GABBR2: variants seen among roughly 807,000 people sequenced by gnomAD.
The protein encoded by GABBR2 is G-protein coupled receptor 51.
A neutral mutation model predicts 105.6 loss-of-function variants in GABBR2; 23 were observed. The observed-to-expected ratio is 0.22, with a 90% confidence interval of 0.16 to 0.31. The LOEUF (loss-of-function observed/expected upper bound fraction) is 0.31, where lower values mean the gene tolerates loss of function less well. GABBR2 is among the 10% of genes least tolerant of loss of function. GABBR2 has a pLI of 1.00. For synonymous variants in GABBR2, 478 were observed against 499.7 expected, an observed-to-expected ratio of 0.96 and a Z score of 0.58; for missense variants, 734 against 1,245.5, an observed-to-expected ratio of 0.59 and a Z score of 6.18.
chr9:98,577,380 A>G (rs148862563), intron 2 of GABBR2, among the ~76,000 whole-genome samples: 59 of 152,386 alleles, frequency 3.9e-4, no homozygotes, highest in African/African-American at 1.4e-3. Context: ...AATGATGTAT[A>G]AAATCTGCCA....
intron 17 of GABBR2, 150 bp downstream of exon 17, chr9:98,299,074 G>A: frequency 1.4e-6 from 1 of 705,126 alleles, no homozygotes; most frequent in Non-Finnish European, 2.5e-6. Context: ...AGCAGACAGA[G>A]GTTCCAGATG....
intron 1 of GABBR2, among the ~76,000 whole-genome samples, chr9:98,595,718 C>T (rs1478617377): frequency 6.6e-6 from 1 of 151,628 alleles, no homozygotes; most frequent in African/African-American, 2.4e-5. Context: ...TAATGATATA[C>T]AAAAGCACAA....
chr9:98,558,537 G>A (rs951392747), intron 2 of GABBR2, among the ~76,000 whole-genome samples: 2 of 152,142 alleles, frequency 1.3e-5, no homozygotes, highest in African/African-American at 2.4e-5. Flanking sequence ...GCCCAGTCTT[G>A]CCCCCCAAGT....
intron 1 of GABBR2, among the ~76,000 whole-genome samples, chr9:98,622,582 A>G (rs918639503): frequency 6.6e-6 from 1 of 152,236 alleles, no homozygotes; most frequent in Non-Finnish European, 1.5e-5. Context: ...ACCTGTCCTC[A>G]GGATGCTCAG....
chr9:98,393,201 A>C, intron 9 of GABBR2, among the ~76,000 whole-genome samples: 1 of 110,942 alleles, frequency 9.0e-6, no homozygotes, highest in African/African-American at 4.5e-5. Context: ...CATCCACTTG[A>C]TCAATTCATC....
chr9:98,640,121 CATAT>C (rs6151094), intron 1 of GABBR2, among the ~76,000 whole-genome samples: 13,754 of 140,834 alleles, frequency 0.098, 727 homozygotes, highest in African/African-American at 0.15. Flanking sequence ...AAAATACAAC[CATAT>C]ATATATATAT....
intron 1 of GABBR2, among the ~76,000 whole-genome samples, chr9:98,615,598 A>G (rs1398987144): frequency 6.6e-6 from 1 of 152,192 alleles, no homozygotes; most frequent in Non-Finnish European, 1.5e-5. Flanking sequence ...AGTCATGGAT[A>G]AAGCAGGAGG....
chr9:98,455,696 T>C (rs1026923625), intron 6 of GABBR2, among the ~76,000 whole-genome samples: 1 of 152,206 alleles, frequency 6.6e-6, no homozygotes, highest in Admixed American at 6.5e-5. Context: ...CTAGTGTTTT[T>C]AAGGAAGGTG....
rs141254064 is a variant in GABBR2, at chr9:98,385,282, C to A, written c.1662+358G>T. Among the ~76,000 whole-genome samples, 461 of 152,280 alleles carry A rather than the reference C, an allele frequency of 3.0e-3. 6 individuals carry two copies. The highest frequency in any genetic ancestry group is 0.011 in the African/African-American group (445 of 41,552). The stretch of plus-strand genomic sequence containing the variant: ...ACAGTGACGCGATCACAACTCACTG[C>A]AACCTTGATCTTTGGGCTCAAGCAA... On this transcript the variant is annotated intron_variant, in intron 11 of 18. Transcript: ENST00000259455.
chr9:98,684,078 C>T (rs1473284529), intron 1 of GABBR2, among the ~76,000 whole-genome samples: 3 of 138,242 alleles, frequency 2.2e-5, no homozygotes, highest in African/African-American at 8.0e-5. Flanking sequence ...TGGGAAGCCA[C>T]TTAAAAATAT....
chr9:98,663,941 C>T (rs1275260211), intron 1 of GABBR2, among the ~76,000 whole-genome samples: 1 of 152,178 alleles, frequency 6.6e-6, no homozygotes, highest in South Asian at 2.1e-4. Context: ...GGGACACAAA[C>T]ATGGCCACCT....
intron 7 of GABBR2, among the ~76,000 whole-genome samples, chr9:98,450,377 T>C (rs1826210439): frequency 6.6e-6 from 1 of 152,108 alleles, no homozygotes; most frequent in Non-Finnish European, 1.5e-5. Context: ...CTTTTTGCTG[T>C]GACCAGAAGA....
intron 4 of GABBR2, among the ~76,000 whole-genome samples, chr9:98,482,808 C>T (rs542711293): frequency 1.3e-5 from 2 of 152,234 alleles, no homozygotes; most frequent in South Asian, 4.1e-4. Context: ...GAAACTCACC[C>T]GGTGGCTTCC....
At chr9:98,408,724 A>G (rs1832532154) in intron 7 of GABBR2, among the ~76,000 whole-genome samples, 1 of 152,248 alleles carries the variant, frequency 6.6e-6, no homozygotes, top group Non-Finnish European at 1.5e-5. Context: ...AATGCTTAAG[A>G]AATTTCAGTT....
intron 14 of GABBR2, among the ~76,000 whole-genome samples, chr9:98,310,657 C>G (rs1830621894): frequency 6.6e-6 from 1 of 152,210 alleles, no homozygotes; most frequent in African/African-American, 2.4e-5. Flanking sequence ...GGCTTACCCT[C>G]CTCATCTATT....
chr9:98,318,092 A>G (rs949824702), intron 13 of GABBR2, among the ~76,000 whole-genome samples: 36 of 152,224 alleles, frequency 2.4e-4, no homozygotes, highest in African/African-American at 8.4e-4. Flanking sequence ...ATATTTGAGG[A>G]ACCCTCATGT....
At position 98,463,584 on chromosome 9, in the gene GABBR2, C is replaced by T. The variant is rs924041391; in HGVS notation, c.1000-9367G>A. On this transcript the variant is annotated intron_variant, in intron 6 of 18. Transcript: ENST00000259455. ...GTTTAGAAACAGAGCTCTCCCTCTC[C>T]CTCGCCCTCTCGCTCTCCGTCTCGC... is the stretch of plus-strand genomic sequence containing the variant. 3.4e-4 allele frequency among the ~76,000 whole-genome samples: 50 copies of T among 147,716 alleles called. 1 individual carries two copies. Among genetic ancestry groups the T allele is most frequent in the Admixed American group, 3.3e-3 (49 of 15,076 alleles).
In GABBR2 at chr9:98,394,166, C is replaced by T. The variant is rs886966881; in HGVS notation, c.1378+9G>A. The T allele has an allele frequency of 6.2e-7, 1 of 1,606,800 alleles. No individual in the cohort carries two copies. Among genetic ancestry groups the T allele is most frequent in the Non-Finnish European group, 8.5e-7 (1 of 1,173,458 alleles). ...AGGCCCCCTCCTCTGAGAAGCCCAC[C>T]TGCCTTACCTTGGAACCTGATGGTG... On this transcript the variant is annotated intron_variant, in intron 9 of 18. Transcript: ENST00000259455.
At chr9:98,408,155 C>T (rs1036470883) in intron 7 of GABBR2, among the ~76,000 whole-genome samples, 42 of 152,240 alleles carry the variant, frequency 2.8e-4, no homozygotes, top group Non-Finnish European at 4.1e-4. Context: ...GAGAGCTTTC[C>T]AGCCCTTGGG....
Sources: gnomAD v4.1 joint callset for allele counts (sites outside exome capture counted in the v4.1 genomes callset) on GRCh38, gnomAD v4.1.1 for gene constraint, MANE v1.5 for transcripts, NCBI Gene and HGNC (gene_info 2026-07-23, HGNC 2026-07-21) for gene names.